Variants in SLIT2 observed in about 807,000 individuals in gnomAD.
SLIT2 encodes the protein slit homolog 2 protein.
A neutral mutation model predicts 185.7 loss-of-function variants in SLIT2; 41 were observed. That is an observed-to-expected ratio of 0.22 (90% CI 0.17 to 0.29). The LOEUF (loss-of-function observed/expected upper bound fraction) is 0.29. Among genes scored for constraint, SLIT2 ranks in the 10% least tolerant of loss-of-function variants. The pLI, the probability that SLIT2 is intolerant of heterozygous loss-of-function variation, is 1.00. For missense variants in SLIT2, 1,571 were observed against 1,909.0 expected, an observed-to-expected ratio of 0.82 and a Z score of 3.30; for synonymous variants, 693 against 680.2, an observed-to-expected ratio of 1.02 and a Z score of -0.29.
chr4:20,463,369 A>T (rs1421902425), intron 4 of SLIT2, among the ~76,000 whole-genome samples: 1 of 147,744 alleles, frequency 6.8e-6, no homozygotes, highest in African/African-American at 2.5e-5. Flanking sequence ...TCCTTCTTTG[A>T]TCTGTGTCCT....
chr4:20,476,870 T>C (rs1716163496), intron 5 of SLIT2, among the ~76,000 whole-genome samples: 1 of 152,178 alleles, frequency 6.6e-6, no homozygotes, highest in South Asian at 2.1e-4. Context: ...AACCTTTTTG[T>C]CATTTAATAT....
At chr4:20,592,231 C>G (rs1727570075) in intron 30 of SLIT2, among the ~76,000 whole-genome samples, 1 of 152,148 alleles carries the variant, frequency 6.6e-6, no homozygotes, top group Non-Finnish European at 1.5e-5. Flanking sequence ...GCTGGTTTTA[C>G]TTTTATTGCT....
At chr4:20,377,820 G>A (rs192550594) in intron 4 of SLIT2, among the ~76,000 whole-genome samples, 29 of 152,262 alleles carry the variant, frequency 1.9e-4, no homozygotes, top group Non-Finnish European at 3.7e-4. Flanking sequence ...TCTAATAGGT[G>A]TGGTATCTGT....
chr4:20,494,126 C>T (rs1359985709), intron 9 of SLIT2, among the ~76,000 whole-genome samples: 2 of 152,154 alleles, frequency 1.3e-5, no homozygotes, highest in African/African-American at 4.8e-5. Flanking sequence ...TGGCTGTGTG[C>T]CAGTGATTTG....
intron 4 of SLIT2, among the ~76,000 whole-genome samples, chr4:20,443,280 C>T (rs936348745): frequency 6.6e-6 from 1 of 152,234 alleles, no homozygotes; most frequent in East Asian, 1.9e-4. Flanking sequence ...TGTGTGCAGA[C>T]ACAAGCAGAC....
At chr4:20,390,055 C>T (rs930114471) in intron 4 of SLIT2, among the ~76,000 whole-genome samples, 1 of 151,970 alleles carries the variant, frequency 6.6e-6, no homozygotes, top group Non-Finnish European at 1.5e-5. Flanking sequence ...TCAGAACTCT[C>T]CAGGGGTCTC....
At chr4:20,472,295 G>GATATATATCTAT (rs1205039657) in intron 5 of SLIT2, among the ~76,000 whole-genome samples, 3 of 25,886 alleles carry the variant, frequency 1.2e-4, no homozygotes, top group African/African-American at 2.6e-4. Context: ...TAGATATATA[G>GATATATATCTAT]ATATATAGAT....
At position 20,404,764 on chromosome 4, in the gene SLIT2, G is replaced by A. The variant is rs545563388; in HGVS notation, c.396-62988G>A. ...AAAATTATACCCAAATGTAGAAAAG[G>A]CTCTAAATAGCTTGGAATCTGTATT... On this transcript the variant is annotated intron_variant, in intron 4 of 36. Coordinates refer to ENST00000504154, the MANE Select transcript of SLIT2 (RefSeq NM_004787.4). 2.0e-4 allele frequency among the ~76,000 whole-genome samples: 31 copies of A among 151,956 alleles called. 1 individual carries two copies. The highest frequency in any genetic ancestry group is 7.5e-4 in the African/African-American group (31 of 41,474).
intron 4 of SLIT2, among the ~76,000 whole-genome samples, chr4:20,324,247 C>A (rs1025275742): frequency 7.0e-6 from 1 of 142,590 alleles, no homozygotes; most frequent in Non-Finnish European, 1.5e-5. Context: ...TTGACAACCC[C>A]AGTGCATTGA....
At chr4:20,325,522 G>A (rs1719502461) in intron 4 of SLIT2, among the ~76,000 whole-genome samples, 1 of 151,512 alleles carries the variant, frequency 6.6e-6, no homozygotes, top group African/African-American at 2.4e-5. Flanking sequence ...ATTAACAAGT[G>A]CCTTAGAAAA....
chr4:20,477,603 T>G (rs1010909205), intron 5 of SLIT2, among the ~76,000 whole-genome samples: 17 of 152,130 alleles, frequency 1.1e-4, no homozygotes, highest in South Asian at 2.1e-4. Context: ...GAGAGGTAAT[T>G]TGGAATTTGA....
intron 4 of SLIT2, among the ~76,000 whole-genome samples, chr4:20,387,102 G>T (rs972933165): frequency 2.6e-5 from 4 of 152,118 alleles, no homozygotes; most frequent in Admixed American, 6.6e-5. Flanking sequence ...GACTGCTGTG[G>T]GTCAGTGAGA....
intron 4 of SLIT2, among the ~76,000 whole-genome samples, chr4:20,335,463 A>G (rs537990677): frequency 1.3e-5 from 2 of 152,362 alleles, no homozygotes; most frequent in South Asian, 4.1e-4. Flanking sequence ...TATGTGTAAA[A>G]GAGGACCATA....
At chr4:20,476,417 C>T (rs1577736061) in intron 5 of SLIT2, among the ~76,000 whole-genome samples, 1 of 151,966 alleles carries the variant, frequency 6.6e-6, no homozygotes, top group African/African-American at 2.4e-5. Flanking sequence ...TTGGAGTTTT[C>T]TATCTTACAA....
intron 4 of SLIT2, among the ~76,000 whole-genome samples, chr4:20,354,580 C>T (rs1341458739): frequency 6.6e-6 from 1 of 152,144 alleles, no homozygotes; most frequent in Non-Finnish European, 1.5e-5. Flanking sequence ...ACCTTTTCTT[C>T]ATGGCATGTT....
chr4:20,564,783 ATT>A (rs3836702), intron 26 of SLIT2, among the ~76,000 whole-genome samples: 122 of 148,312 alleles, frequency 8.2e-4, no homozygotes, highest in Admixed American at 1.0e-3. Context: ...TGTTATCTTG[ATT>A]TTTTTTTTTT....
At chr4:20,296,410 G>A (rs912312438) in intron 4 of SLIT2, among the ~76,000 whole-genome samples, 2 of 152,186 alleles carry the variant, frequency 1.3e-5, no homozygotes, top group African/African-American at 4.8e-5. Flanking sequence ...ATTTAATTTA[G>A]TAGTTTTAGA....
At chr4:20,569,331 G>T in intron 29 of SLIT2, 1 of 280,812 alleles carries the variant, frequency 3.6e-6, no homozygotes, top group South Asian at 4.0e-5. Flanking sequence ...CCAATCCCCA[G>T]TACCTGTGTG....
intron 4 of SLIT2, among the ~76,000 whole-genome samples, chr4:20,455,848 G>A (rs548173598): frequency 4.6e-5 from 7 of 151,928 alleles, no homozygotes; most frequent in African/African-American, 1.4e-4. Flanking sequence ...TCTGTCTCTC[G>A]GCCATTTTCT....
Sources: allele counts gnomAD v4.1 joint callset (sites outside exome capture counted in the v4.1 genomes callset), GRCh38; gene constraint gnomAD v4.1.1; transcripts MANE v1.5; gene names NCBI Gene and HGNC (gene_info 2026-07-23, HGNC 2026-07-21).